The following C8orf34 variants were observed in gnomAD, a reference collection of about 807,000 sequenced individuals.
The protein encoded by C8orf34 is chromosome 8 open reading frame 34.
C8orf34 carries 65 observed loss-of-function variants against 68.3 expected under a neutral mutation model. The observed-to-expected ratio is 0.95, with a 90% CI of 0.78 to 1.17. The LOEUF is 1.17. Among genes scored for constraint, C8orf34 ranks in the 50% most tolerant of loss-of-function variants. The probability of loss-of-function intolerance (pLI) is 0.00; values close to 1 mark genes in which losing one functional copy is unlikely to be tolerated. For missense variants in C8orf34, 664 were observed against 655.4 expected (o/e 1.01, Z -0.14); for synonymous variants, 244 against 241.2 (o/e 1.01, Z -0.11).
intron 10 of C8orf34, among the ~76,000 whole-genome samples, chr8:68,766,060 A>C (rs895796301): frequency 6.6e-6 from 1 of 152,234 alleles, no homozygotes; most frequent in African/African-American, 2.4e-5. Flanking sequence ...CAAACACGTA[A>C]TTACTTGTGT....
chr8:68,409,202 T>C (rs1809338680), intron 1 of C8orf34, among the ~76,000 whole-genome samples: 1 of 152,240 alleles, frequency 6.6e-6, no homozygotes, highest in Non-Finnish European at 1.5e-5. Flanking sequence ...TTTGAATAAT[T>C]ATTTTAGAGT....
intron 3 of C8orf34, among the ~76,000 whole-genome samples, chr8:68,456,862 T>C (rs964643296): frequency 6.6e-6 from 1 of 152,212 alleles, no homozygotes; most frequent in African/African-American, 2.4e-5. Flanking sequence ...ATAAGCATGA[T>C]TTGATGAAGG....
At chr8:68,568,573 T>C (rs1164832907) in intron 7 of C8orf34, among the ~76,000 whole-genome samples, 1 of 150,814 alleles carries the variant, frequency 6.6e-6, no homozygotes, top group Non-Finnish European at 1.5e-5. Flanking sequence ...AAAAAAAAAA[T>C]CTGTGAAGTG....
At chr8:68,368,703 T>C (rs1807425392) in intron 1 of C8orf34, among the ~76,000 whole-genome samples, 1 of 152,198 alleles carries the variant, frequency 6.6e-6, no homozygotes, top group Non-Finnish European at 1.5e-5. Context: ...TTTTTCTCTA[T>C]GTATTGAGAT....
At position 68,576,022 on chromosome 8, in the gene C8orf34, G is replaced by A. The variant is rs139281161; in HGVS notation, c.1105+42873G>A. ...TTTAATACAATTGTGTTATTTGGAC[G>A]TCAGAAATGGCTGCCAATCACAAAG... On this transcript the variant is annotated intron_variant, in intron 7 of 13. Coordinates refer to ENST00000518698, the MANE Select transcript of C8orf34 (RefSeq NM_052958.4). Among the ~76,000 whole-genome samples, 845 of 132,644 alleles carry A rather than the reference G, an allele frequency of 6.4e-3. 16 individuals are homozygous for A. Among genetic ancestry groups the A allele is most frequent in the African/African-American group, 0.023 (804 of 35,408 alleles). 87.0% of individuals were successfully genotyped at this position (132,644 alleles called of 152,430 possible). A position where few individuals can be genotyped will look rare whatever the true frequency, so the allele number is the denominator to read the frequency against.
intron 7 of C8orf34, among the ~76,000 whole-genome samples, chr8:68,587,233 A>C (rs898599430): frequency 1.3e-5 from 2 of 152,120 alleles, no homozygotes; most frequent in African/African-American, 4.8e-5. Flanking sequence ...ATGAAATGTC[A>C]TGTGTCAAAC....
At chr8:68,508,329 A>G (rs148460174) in intron 5 of C8orf34, among the ~76,000 whole-genome samples, 2 of 152,334 alleles carry the variant, frequency 1.3e-5, no homozygotes, top group Non-Finnish European at 2.9e-5. Flanking sequence ...TTAATGGCAC[A>G]TAACACTGGT....
chr8:68,452,491 T>A (rs912077047), intron 3 of C8orf34, among the ~76,000 whole-genome samples: 3 of 151,590 alleles, frequency 2.0e-5, no homozygotes. Context: ...CTCATTGTTG[T>A]CTTGATTTGC....
chr8:68,583,148 G>A (rs76320967), intron 7 of C8orf34, among the ~76,000 whole-genome samples: 2,598 of 152,112 alleles, frequency 0.017, 82 homozygotes, highest in African/African-American at 0.058. Context: ...ATGCAAAAGA[G>A]CCATATTTAG....
chr8:68,799,063 C>G (rs1487727739), intron 12 of C8orf34, among the ~76,000 whole-genome samples: 1 of 152,122 alleles, frequency 6.6e-6, no homozygotes, highest in Non-Finnish European at 1.5e-5. Context: ...GATGATAGAA[C>G]TATTCTTTTA....
At position 68,421,093 on chromosome 8, in the gene C8orf34, C is replaced by A. The variant is rs531604578; in HGVS notation, c.328-18406C>A. Among the ~76,000 whole-genome samples, 32 of 152,172 alleles carry A rather than the reference C, an allele frequency of 2.1e-4. No homozygotes were observed. In the South Asian group the frequency reaches 4.8e-3, roughly 23 times the overall value. On this transcript the variant is annotated intron_variant, in intron 1 of 13. Coordinates refer to ENST00000518698, the MANE Select transcript of C8orf34 (RefSeq NM_052958.4). The stretch of plus-strand genomic sequence containing the variant: ...GCCATAAGTAAGGAACTTAAAAAAA[C>A]CACATGTAAACATATGGTAAAATTG...
rs1299615760 is a variant in C8orf34 at position 68,521,975 on chromosome 8, A to G, written c.938+4A>G. 2.4e-5 allele frequency: 38 copies of G among 1,612,982 alleles called. No individual in the cohort carries two copies. Among genetic ancestry groups the G allele is most frequent in the Non-Finnish European group, 3.1e-5 (36 of 1,179,418 alleles). ...GTGGCTCTAGTCCTGCAGGAAGGTG[A>G]GATGAGCTGTCTGCTGAGATTCTAT... On this transcript the variant is annotated splice_donor_region_variant and intron_variant, in intron 6 of 13. Transcript: ENST00000518698.
At chr8:68,463,952 C>A (rs989900644) in intron 3 of C8orf34, among the ~76,000 whole-genome samples, 1 of 152,064 alleles carries the variant, frequency 6.6e-6, no homozygotes, top group Non-Finnish European at 1.5e-5. Flanking sequence ...GGCAATTAGG[C>A]AGGAGAAGGA....
chr8:68,454,309 G>C (rs1386865042), intron 3 of C8orf34, among the ~76,000 whole-genome samples: 2 of 152,012 alleles, frequency 1.3e-5, no homozygotes, highest in African/African-American at 2.4e-5. Context: ...CTGTTCTTCA[G>C]ATTTTTTTGG....
At chr8:68,642,499 T>A (rs544506486) in intron 8 of C8orf34, among the ~76,000 whole-genome samples, 1 of 152,206 alleles carries the variant, frequency 6.6e-6, no homozygotes, top group Non-Finnish European at 1.5e-5. Flanking sequence ...GTTTTATGCA[T>A]ACTAGGAAAA....
chr8:68,435,850 A>T (rs190090153), intron 1 of C8orf34, among the ~76,000 whole-genome samples: 1 of 152,168 alleles, frequency 6.6e-6, no homozygotes, highest in African/African-American at 2.4e-5. Flanking sequence ...TGATGTAGCT[A>T]CTATTGTTTT....
intron 11 of C8orf34, among the ~76,000 whole-genome samples, chr8:68,784,073 T>C (rs1321970869): frequency 6.6e-6 from 1 of 152,158 alleles, no homozygotes; most frequent in East Asian, 1.9e-4. Context: ...TGTGTGCAGC[T>C]TTCCACAGGT....
chr8:68,794,395 T>A lies in C8orf34; in HGVS notation c.1549+6859T>A, dbSNP rs1369991974. Among the ~76,000 whole-genome samples, 3 of 35,000 alleles carry A rather than the reference T, an allele frequency of 8.6e-5. No individual in the cohort carries two copies. The Admixed American group carries it at 1.1e-3, about 13-fold the overall frequency. 23.0% of individuals were successfully genotyped at this position (35,000 alleles called of 152,430 possible). A position where few individuals can be genotyped will look rare whatever the true frequency, so the allele number is the denominator to read the frequency against. On this transcript the variant is annotated intron_variant, in intron 12 of 13. Coordinates refer to ENST00000518698, the MANE Select transcript of C8orf34 (RefSeq NM_052958.4). The stretch of plus-strand genomic sequence containing the variant: ...TATATTGCCCAGGCTGGTCTCGAAC[T>A]CCTGGGCTCAAGCAATCCTCCCCTC...
intron 5 of C8orf34, among the ~76,000 whole-genome samples, chr8:68,491,380 C>G (rs1157003152): frequency 2.0e-5 from 3 of 152,062 alleles, no homozygotes; most frequent in African/African-American, 7.2e-5. Context: ...TCTTACAGCT[C>G]TGTAGTTTCA....
Sources: allele counts gnomAD v4.1 joint callset (sites outside exome capture counted in the v4.1 genomes callset), GRCh38; gene constraint gnomAD v4.1.1; transcripts MANE v1.5; gene names NCBI Gene and HGNC (gene_info 2026-07-23, HGNC 2026-07-21).